Variants in NTN1 observed in about 807,000 individuals in gnomAD.
The protein encoded by NTN1 is netrin 1, also known as netrin-1.
NTN1 carries 11 observed loss-of-function variants against 54.2 expected under a neutral mutation model. The ratio of observed to expected loss-of-function variants is 0.20; its 90% CI spans 0.13 to 0.34. NTN1 has a LOEUF of 0.34. NTN1 is among the 10% of genes least tolerant of loss of function. The probability of loss-of-function intolerance (pLI) is 1.00; values close to 1 mark genes in which losing one functional copy is unlikely to be tolerated. For missense variants in NTN1, 740 were observed against 893.1 expected (o/e 0.83, Z 2.18); for synonymous variants, 371 against 382.0 (o/e 0.97, Z 0.33).
intron 2 of NTN1, among the ~76,000 whole-genome samples, chr17:9,038,782 A>T (rs910741388): frequency 6.6e-6 from 1 of 151,902 alleles, no homozygotes; most frequent in Non-Finnish European, 1.5e-5. Flanking sequence ...TTCTTATGAG[A>T]TCTGCTATTC....
intron 3 of NTN1, among the ~76,000 whole-genome samples, chr17:9,178,089 C>T (rs1479873023): frequency 1.1e-4 from 16 of 152,150 alleles, no homozygotes; most frequent in African/African-American, 2.2e-4. Flanking sequence ...CCCAGCTACT[C>T]GGGAAGCTGA....
chr17:9,073,151 C>T (rs982371233), intron 2 of NTN1, among the ~76,000 whole-genome samples: 2 of 152,246 alleles, frequency 1.3e-5, no homozygotes, highest in African/African-American at 4.8e-5. Flanking sequence ...CGGCAAGGCC[C>T]AAGCAGCCAT....
intron 2 of NTN1, among the ~76,000 whole-genome samples, chr17:9,141,426 G>A (rs538194577): frequency 3.3e-5 from 5 of 152,304 alleles, no homozygotes; most frequent in African/African-American, 1.2e-4. Context: ...AGCCTGCCGA[G>A]GGGCCTAGTG....
Position 9,141,462 on chromosome 17 carries a change from G to C in NTN1, c.1019-21351G>C, listed in dbSNP as rs188828955. On this transcript the variant is annotated intron_variant, in intron 2 of 6. Coordinates refer to ENST00000173229, the MANE Select transcript of NTN1 (RefSeq NM_004822.3). ...AGAGAGGTGGATCCAACATGAGTTG[G>C]ATTTTGCAATATGGCAGACTTAGGT... Among the ~76,000 whole-genome samples, 208 of 152,276 alleles carry C rather than the reference G, an allele frequency of 1.4e-3. 2 individuals are homozygous for C. Among genetic ancestry groups the C allele is most frequent in the African/African-American group, 4.8e-3 (198 of 41,540 alleles).
rs187971160 is a variant in NTN1 at position 9,182,985 on chromosome 17, C to T, written c.1411+16C>T. On this transcript the variant is annotated intron_variant, in intron 5 of 6. Transcript: ENST00000173229. ...GAGCCTGAAGGTAAACGGCCCCCTT[C>T]GCTTCTCATTTCCCGCTTTTGCTGG... The T allele has an allele frequency of 1.1e-4, 176 of 1,613,322 alleles. No homozygotes were observed. In the African/African-American group the frequency reaches 1.8e-3, roughly 17 times the overall value.
At chr17:9,102,656 C>A (rs1432537422) in intron 2 of NTN1, among the ~76,000 whole-genome samples, 1 of 150,696 alleles carries the variant, frequency 6.6e-6, no homozygotes, top group Non-Finnish European at 1.5e-5. Context: ...ATATATTTAC[C>A]AAGAGACATG....
chr17:9,134,604 C>T (rs980547208), intron 2 of NTN1, among the ~76,000 whole-genome samples: 2 of 152,216 alleles, frequency 1.3e-5, no homozygotes, highest in African/African-American at 2.4e-5. Context: ...GTCTAACATG[C>T]AGCCGGGGCA....
chr17:9,127,707 G>C (rs1421890693), intron 2 of NTN1, among the ~76,000 whole-genome samples: 3 of 152,180 alleles, frequency 2.0e-5, no homozygotes, highest in Admixed American at 6.5e-5. Flanking sequence ...GAACTAGAAA[G>C]TCCTCTGAGA....
chr17:9,191,099 T>C (rs564074354), intron 5 of NTN1, among the ~76,000 whole-genome samples: 1 of 152,316 alleles, frequency 6.6e-6, no homozygotes, highest in South Asian at 2.1e-4. Context: ...CAATGTAATA[T>C]TGATGTGAGG....
chr17:9,026,163 A>T (rs902778896), intron 2 of NTN1, among the ~76,000 whole-genome samples: 3 of 152,164 alleles, frequency 2.0e-5, no homozygotes, highest in African/African-American at 7.2e-5. Context: ...CCCTCCCGCA[A>T]AGAAAACCCC....
chr17:9,153,275 C>T (rs1030409950), intron 2 of NTN1, among the ~76,000 whole-genome samples: 3 of 151,942 alleles, frequency 2.0e-5, no homozygotes, highest in African/African-American at 7.3e-5. Flanking sequence ...GGTGAAACCC[C>T]GTCTCTATTA....
At chr17:9,038,376 A>G (rs1023522444) in intron 2 of NTN1, among the ~76,000 whole-genome samples, 3 of 150,592 alleles carry the variant, frequency 2.0e-5, no homozygotes, top group African/African-American at 7.4e-5. Flanking sequence ...TTATGTTCTT[A>G]ATTGTTTTCC....
the NTN1 span, among the ~76,000 whole-genome samples, chr17:9,003,395 G>C: frequency 6.6e-6 from 1 of 151,650 alleles, no homozygotes; most frequent in African/African-American, 2.4e-5. This position sits in a 1 kb window ranked among gnomAD's most constrained non-coding sequence, Gnocchi z 7.4. Flanking sequence ...GGCGAGGGGC[G>C]CACGCCAGAG....
rs1424900923 is a variant in NTN1 at position 9,241,334 on chromosome 17, T to TCCACTGTGCCCC, written c.*1367_*1378dup. On this transcript the variant is annotated 3_prime_UTR_variant, in exon 7 of 7. Transcript: ENST00000173229. ...GTCTTTGTGGAGTCTGCCCGTGCCC[T>TCCACTGTGCCCC]CCACTGTGCCCCAGCCCTCCTTCCA... 2 of 152,642 alleles carry TCCACTGTGCCCC rather than the reference T, an allele frequency of 1.3e-5. No homozygotes were observed. The highest frequency in any genetic ancestry group is 4.8e-5 in the African/African-American group (2 of 41,438). The allele number at this position is 152,642 out of a possible 1,614,324, so 9.5% of individuals were successfully genotyped here. A position where few individuals can be genotyped will look rare whatever the true frequency, so the allele number is the denominator to read the frequency against.
chr17:9,190,921 TGTGA>T (rs1904436760), intron 5 of NTN1, among the ~76,000 whole-genome samples: 1 of 152,134 alleles, frequency 6.6e-6, no homozygotes, highest in East Asian at 1.9e-4. Flanking sequence ...AAGTTGTGAC[TGTGA>T]GTCAGTGCAG....
At position 9,135,979 on chromosome 17, in the gene NTN1, C is replaced by T. The variant is rs552588385; in HGVS notation, c.1019-26834C>T. Among the ~76,000 whole-genome samples, 14 of 152,184 alleles carry T rather than the reference C, an allele frequency of 9.2e-5. No homozygotes were observed. The highest frequency in any genetic ancestry group is 1.8e-4 in the Non-Finnish European group (12 of 68,030). ...ATGTGTGCACGTGCCTACTCAAACTCGACACCCATCCTCCTCACTCCCGCC... is the reference window on the plus strand; with the variant it reads ...ATGTGTGCACGTGCCTACTCAAACTTGACACCCATCCTCCTCACTCCCGCC... On this transcript the variant is annotated intron_variant, in intron 2 of 6. Coordinates refer to ENST00000173229, the MANE Select transcript of NTN1 (RefSeq NM_004822.3). This position sits in a 1 kb window ranked among gnomAD's most constrained non-coding sequence, Gnocchi z 4.4.
chr17:9,221,147 T>TGGGGGGG lies in NTN1; in HGVS notation c.1412-21_1412-20insGGGGGGG. Reference sequence around the variant, plus strand: ...CAGCCTAATTAGTTTTTGTCTGTGCTCCCCCCCCACCCCCCTGCAGACTGC... The same window carrying TGGGGGGG: ...CAGCCTAATTAGTTTTTGTCTGTGCTGGGGGGGCCCCCCCCACCCCCCTGCAGACTGC... On this transcript the variant is annotated intron_variant, in intron 5 of 6. Coordinates refer to ENST00000173229, the MANE Select transcript of NTN1 (RefSeq NM_004822.3). The surrounding 1 kb of genome is among the most constrained non-coding windows in gnomAD (Gnocchi z 4.5). 1 of 1,303,808 alleles carries TGGGGGGG rather than the reference T, an allele frequency of 7.7e-7. No homozygotes were observed. Among genetic ancestry groups the TGGGGGGG allele is most frequent in the Non-Finnish European group, 1.0e-6 (1 of 952,878 alleles). The allele number at this position is 1,303,808 out of a possible 1,614,324, so 80.8% of individuals were successfully genotyped here.
At chr17:9,014,503 G>GA in the NTN1 span, among the ~76,000 whole-genome samples, 1 of 152,130 alleles carries the variant, frequency 6.6e-6, no homozygotes, top group South Asian at 2.1e-4. Context: ...ATTTCACCAT[G>GA]AAAAAAATGG....
At chr17:9,090,879 A>G (rs746187433) in intron 2 of NTN1, among the ~76,000 whole-genome samples, 3 of 152,162 alleles carry the variant, frequency 2.0e-5, no homozygotes, top group Non-Finnish European at 4.4e-5. Context: ...CTGGGTGGGC[A>G]AGAGCCGGGC....
Sources: allele counts gnomAD v4.1 joint callset (sites outside exome capture counted in the v4.1 genomes callset), GRCh38; gene constraint gnomAD v4.1.1; non-coding constraint Gnocchi (gnomAD v3.1); transcripts MANE v1.5; gene names NCBI Gene and HGNC (gene_info 2026-07-23, HGNC 2026-07-21).